The following ASPG variants were observed in gnomAD, a reference collection of about 807,000 sequenced individuals.
ASPG encodes 60 kDa lysophospholipase.
A neutral mutation model predicts 63.2 loss-of-function variants in ASPG; 53 were observed. The observed-to-expected ratio is 0.84, with a 90% confidence interval of 0.67 to 1.05. The LOEUF (loss-of-function observed/expected upper bound fraction) is 1.05, where lower values mean the gene tolerates loss of function less well. ASPG is among the 50% of genes least tolerant of loss of function. The pLI is 0.00. For missense variants in ASPG, 741 were observed against 794.4 expected (o/e 0.93, Z 0.81); for synonymous variants, 370 against 355.0 (o/e 1.04, Z -0.48).
intron 10 of ASPG, among the ~76,000 whole-genome samples, chr14:104,105,798 C>T (rs999196396): frequency 2.6e-5 from 4 of 152,138 alleles, no homozygotes. Flanking sequence ...AGGCTCTGAG[C>T]ACCAGGGGTT....
At chr14:104,111,440 C>A in intron 13 of ASPG, 62 bp from the exon 14 acceptor site, 1 of 1,395,766 alleles carries the variant, frequency 7.2e-7, no homozygotes, top group Non-Finnish European at 9.9e-7. Context: ...GGGACAGGCA[C>A]GTGGGCAGAT....
Position 104,107,237 on chromosome 14 carries a change from C to T in ASPG, c.1325C>T (p.Ala442Val), listed in dbSNP as rs2037173144. ...GGCCAAACCCCACTGCACGCGGCCG[C>T]CCGGGGAGGCCACACAGAGGCAGTC... ...FNGQTPLHAA[A>V]RGGHTEAVTM... The change falls in exon 12 of 16, where the codon GCC (alanine) becomes GTC (valine). Residue 442 changes from alanine to valine, a missense_variant. By Grantham distance (64) the Ala-to-Val change is moderately conservative. Coordinates refer to ENST00000551177, the MANE Select transcript of ASPG (RefSeq NM_001080464.3). 1 of 1,606,968 alleles carries T rather than the reference C, an allele frequency of 6.2e-7. No homozygotes were observed. The highest frequency in any genetic ancestry group is 8.5e-7 in the Non-Finnish European group (1 of 1,176,290).
At chr14:104,092,779 G>A in intron 2 of ASPG, 38 bp downstream of exon 2, 1 of 1,500,734 alleles carries the variant, frequency 6.7e-7, no homozygotes. Context: ...ACAGGGCATG[G>A]CTGCTGAGGG....
At position 104,109,409 on chromosome 14, in the gene ASPG, G is replaced by C; in HGVS notation, c.1520+94G>C. 7.3e-7 allele frequency: 1 copy of C among 1,376,332 alleles called. No homozygotes were observed. The highest frequency in any genetic ancestry group is 9.8e-7 in the Non-Finnish European group (1 of 1,024,880). The allele number at this position is 1,376,332 out of a possible 1,614,324, so 85.3% of individuals were successfully genotyped here. On this transcript the variant is annotated intron_variant, in intron 13 of 15. Coordinates refer to ENST00000551177, the MANE Select transcript of ASPG (RefSeq NM_001080464.3). This position sits in a 1 kb window ranked among gnomAD's most constrained non-coding sequence, Gnocchi z 4.8. ...CCTGCTGGGAGGGACAAGTGAGTCA[G>C]GGTGTGGGGGCTTTCAGAGGCGAGG...
chr14:104,092,726 A>G lies in ASPG; in HGVS notation c.176A>G (p.Asp59Gly), dbSNP rs1190654728. 2 of 1,536,382 alleles carry G rather than the reference A, an allele frequency of 1.3e-6. No individual in the cohort carries two copies. The highest frequency in any genetic ancestry group is 3.9e-5 in the Admixed American group (2 of 51,046). ...GCCCGAGCCCGCGGCCTCTCTGAGG[A>G]CACCCTGGTGCTACCGTGAGTGTGG... is the stretch of plus-strand genomic sequence containing the variant. ...EHARARGLSE[D>G]TLVLPPASRN... is the part of the protein sequence containing the mutation. Residue 59 changes from aspartate to glycine, a missense_variant, in exon 2 of 16, where the codon GAC becomes GGC. Transcript: ENST00000551177.
At position 104,112,828 on chromosome 14, in the gene ASPG, CG is replaced by C; in HGVS notation, c.*289del. 1 of 553,906 alleles carries C rather than the reference CG, an allele frequency of 1.8e-6. No individual in the cohort carries two copies. Among genetic ancestry groups the C allele is most frequent in the Non-Finnish European group, 3.1e-6 (1 of 321,268 alleles). 34.3% of individuals were successfully genotyped at this position (553,906 alleles called of 1,614,324 possible). A position where few individuals can be genotyped will look rare whatever the true frequency, so the allele number is the denominator to read the frequency against. The stretch of plus-strand genomic sequence containing the variant: ...GCGGGGGTCACTTGGCCCATCCTTC[CG>C]GGGGCAGCTGTGCGTGTGAGCTGGG... On this transcript the variant is annotated 3_prime_UTR_variant, in exon 16 of 16. Coordinates refer to ENST00000551177, the MANE Select transcript of ASPG (RefSeq NM_001080464.3).
At chr14:104,107,156 G>T (rs539853432) in intron 11 of ASPG, 26 bp from the exon 12 acceptor site, 1 of 1,534,230 alleles carries the variant, frequency 6.5e-7, no homozygotes, top group Admixed American at 2.0e-5. Flanking sequence ...CTCCCTCAGG[G>T]GTCGCATGTC....
intron 9 of ASPG, chr14:104,105,114 G>T: frequency 1.4e-6 from 1 of 712,458 alleles, no homozygotes; most frequent in Non-Finnish European, 2.3e-6. Flanking sequence ...GAGGCTTTTG[G>T]GGCCCCTGGA....
At chr14:104,088,025 C>T (rs1403788511) in intron 1 of ASPG, among the ~76,000 whole-genome samples, 1 of 152,192 alleles carries the variant, frequency 6.6e-6, no homozygotes, top group Non-Finnish European at 1.5e-5. Context: ...GCTGCGAGGT[C>T]ACCCCCAGCT....
rs1375074280 is a variant in ASPG, at chr14:104,109,954, G to A, written c.1520+639G>A. 12 of 985,230 alleles carry A rather than the reference G, an allele frequency of 1.2e-5. No individual in the cohort carries two copies. In the South Asian group the frequency reaches 3.8e-4, roughly 31 times the overall value. 61.0% of individuals were successfully genotyped at this position (985,230 alleles called of 1,614,324 possible). ...ACTGAGGCGCAGGGAGGCCTTCGGC[G>A]AGGGTGTCGGTTGTGGGTGGAGGTG... On this transcript the variant is annotated intron_variant, in intron 13 of 15. Transcript: ENST00000551177. This position sits in a 1 kb window ranked among gnomAD's most constrained non-coding sequence, Gnocchi z 4.8.
At position 104,093,585 on chromosome 14, in the gene ASPG, C is replaced by G. The variant is rs1744284; in HGVS notation, c.286C>G (p.Leu96Val). The G allele has an allele frequency of 0.21, 338,665 of 1,602,272 alleles. 46,634 individuals are homozygous for G. The highest frequency in any genetic ancestry group is 0.6 in the African/African-American group (44,324 of 73,968). Residue 96 changes from leucine (L) to valine (V), a missense_variant, in exon 3 of 16, where the codon CTT (leucine) becomes GTT (valine). By Grantham distance (32) the Leu-to-Val change is conservative. Coordinates refer to ENST00000551177, the MANE Select transcript of ASPG (RefSeq NM_001080464.3). Reference protein sequence around the residue: ...SDMTIAEWVCLAQTIKRHYEQ... With the variant: ...SDMTIAEWVCVAQTIKRHYEQ... ...CATGACCATCGCTGAGTGGGTTTGC[C>G]TTGCCCAGACCATCAAGGTAGTGGG...
chr14:104,106,809 C>G lies in ASPG; in HGVS notation c.1184C>G (p.Ala395Gly). 2 of 1,597,556 alleles carry G rather than the reference C, an allele frequency of 1.3e-6. No homozygotes were observed. The highest frequency in any genetic ancestry group is 1.7e-6 in the Non-Finnish European group (2 of 1,173,582). ...LSLSGSQEAD[A>G]LRNALVPSLA... ...GCCTTCCCCACCTAGGAGGCAGATG[C>G]CCTGCGGAATGCCCTGGTGCCCAGC... The change falls in exon 11 of 16, where the codon GCC (alanine) becomes GGC (glycine). Residue 395 changes from alanine (A) to glycine (G), a missense_variant. Transcript: ENST00000551177.
chr14:104,087,654 C>T lies in ASPG; in HGVS notation c.82+1802C>T, dbSNP rs370978715. Among the ~76,000 whole-genome samples, 7 of 152,312 alleles carry T rather than the reference C, an allele frequency of 4.6e-5. No individual in the cohort carries two copies. The East Asian group carries it at 5.8e-4, about 13-fold the overall frequency. The stretch of plus-strand genomic sequence containing the variant: ...TGGGGACTCTGTGTGGGGCCTCGTC[C>T]GACGCCCCTGACGCTACCCCTTCAG... On this transcript the variant is annotated intron_variant, in intron 1 of 15. Transcript: ENST00000551177.
intron 13 of ASPG, chr14:104,111,147 G>A (rs532782951): frequency 2.0e-6 from 2 of 985,444 alleles, no homozygotes; most frequent in East Asian, 2.3e-4. Flanking sequence ...AGGCGCATGT[G>A]CTCATGTGTG....
chr14:104,108,826 G>A (rs190706918), intron 12 of ASPG: 3 of 985,406 alleles, frequency 3.0e-6, no homozygotes, highest in Admixed American at 1.2e-4. Context: ...GGTGTGCAGT[G>A]GGGCCGGTCA....
Position 104,109,913 on chromosome 14 carries a change from T to G in ASPG, c.1520+598T>G. The G allele has an allele frequency of 2.5e-5, 24 of 957,344 alleles. No individual in the cohort carries two copies. The highest frequency in any genetic ancestry group is 4.8e-5 in the South Asian group (1 of 20,720). 59.3% of individuals were successfully genotyped at this position (957,344 alleles called of 1,614,324 possible). ...GGCAGGCTCAGGCCTTCTGACATCA[T>G]GTTGTTGTTGGGGAGACTGAGGCGC... On this transcript the variant is annotated intron_variant, in intron 13 of 15. Transcript: ENST00000551177. This position sits in a 1 kb window ranked among gnomAD's most constrained non-coding sequence, Gnocchi z 4.8.
At chr14:104,097,417 A>G in intron 4 of ASPG, 137 bp from the exon 5 acceptor site, 1 of 818,568 alleles carries the variant, frequency 1.2e-6, no homozygotes, top group Non-Finnish European at 1.9e-6. Flanking sequence ...CTGCAGTCCA[A>G]GCCCGCCTGT....
At chr14:104,112,359 C>G (rs2037407076) in intron 15 of ASPG, 165 bp from the exon 16 acceptor site, 4 of 660,098 alleles carry the variant, frequency 6.1e-6, no homozygotes, top group Non-Finnish European at 8.3e-6. Flanking sequence ...CAGTTCCCAG[C>G]TGACACCCCC....
rs1173887316 is a variant in ASPG, at chr14:104,110,220, T to G, written c.1520+905T>G. 2 of 983,096 alleles carry G rather than the reference T, an allele frequency of 2.0e-6. No individual in the cohort carries two copies. The highest frequency in any genetic ancestry group is 2.4e-6 in the Non-Finnish European group (2 of 829,442). 60.9% of individuals were successfully genotyped at this position (983,096 alleles called of 1,614,324 possible). On this transcript the variant is annotated intron_variant, in intron 13 of 15. Coordinates refer to ENST00000551177, the MANE Select transcript of ASPG (RefSeq NM_001080464.3). The surrounding 1 kb of genome is among the most constrained non-coding windows in gnomAD (Gnocchi z 4.7). ...GGTCTGTGCGCCTGTAAGTCCAGAGTCCCAGGCTTGGGGAGTGGGTGATGG... is the reference window on the plus strand; with the variant it reads ...GGTCTGTGCGCCTGTAAGTCCAGAGGCCCAGGCTTGGGGAGTGGGTGATGG...
Sources: gnomAD v4.1 joint callset for allele counts (sites outside exome capture counted in the v4.1 genomes callset) on GRCh38, gnomAD v4.1.1 for gene constraint, Gnocchi (gnomAD v3.1) non-coding constraint, MANE v1.5 for transcripts, NCBI Gene and HGNC (gene_info 2026-07-23, HGNC 2026-07-21) for gene names.